COL22A1: variants seen among roughly 807,000 people sequenced by gnomAD.
The protein encoded by COL22A1 is collagen type XXII alpha 1 chain.
A neutral mutation model predicts 248.9 loss-of-function variants in COL22A1; 221 were observed. The observed-to-expected ratio is 0.89, with a 90% CI of 0.80 to 0.99. COL22A1 has a LOEUF of 0.99. Ranked by LOEUF, COL22A1 falls within the 50% of genes least tolerant of loss-of-function variation. The probability of loss-of-function intolerance (pLI) is 0.00; values close to 1 mark genes in which losing one functional copy is unlikely to be tolerated. For missense variants in COL22A1, 2,240 were observed against 2,179.0 expected, an observed-to-expected ratio of 1.03 and a Z score of -0.56; for synonymous variants, 891 against 793.4, an observed-to-expected ratio of 1.12 and a Z score of -2.07.
chr8:138,891,631 C>A (rs1825078666), intron 1 of COL22A1, among the ~76,000 whole-genome samples: 1 of 152,118 alleles, frequency 6.6e-6, no homozygotes, highest in South Asian at 2.1e-4. Context: ...ACTCCCATAT[C>A]TAGGAGTCAT....
At chr8:138,728,177 C>T (rs949619014) in intron 23 of COL22A1, among the ~76,000 whole-genome samples, 6 of 152,004 alleles carry the variant, frequency 3.9e-5, no homozygotes, top group Admixed American at 2.6e-4. Flanking sequence ...AGACTACAGG[C>T]GTGTGCTACC....
chr8:138,889,677 A>G (rs1232312906), intron 1 of COL22A1, among the ~76,000 whole-genome samples: 2 of 152,158 alleles, frequency 1.3e-5, no homozygotes, highest in Admixed American at 1.3e-4. Context: ...TAACCTGCAC[A>G]TTGTGCACAT....
chr8:138,838,901 A>G (rs1820648304), intron 4 of COL22A1, among the ~76,000 whole-genome samples: 1 of 152,084 alleles, frequency 6.6e-6, no homozygotes, highest in African/African-American at 2.4e-5. Flanking sequence ...CTGCTGTGCC[A>G]GGTACCTACT....
intron 9 of COL22A1, 49 bp from the exon 10 acceptor site, chr8:138,807,861 CTT>C: frequency 6.3e-7 from 1 of 1,591,282 alleles, no homozygotes; most frequent in Non-Finnish European, 8.6e-7. Flanking sequence ...TTAATTTTCC[CTT>C]TCTCTCAACA....
intron 22 of COL22A1, among the ~76,000 whole-genome samples, chr8:138,744,019 A>T (rs375169467): frequency 1.1e-3 from 168 of 152,292 alleles, no homozygotes; most frequent in African/African-American, 3.9e-3. Context: ...AATGTCAAAC[A>T]TGATTATTTT....
At chr8:138,862,041 A>AAAG (rs1822517021) in intron 3 of COL22A1, among the ~76,000 whole-genome samples, 2 of 139,646 alleles carry the variant, frequency 1.4e-5, no homozygotes, top group Non-Finnish European at 3.0e-5. Flanking sequence ...AAAAAAAAAA[A>AAAG]AAAAAAGAAA....
chr8:138,690,152 T>C (rs920633946), intron 36 of COL22A1, among the ~76,000 whole-genome samples: 1 of 152,220 alleles, frequency 6.6e-6, no homozygotes, highest in Non-Finnish European at 1.5e-5. Context: ...GCTTATTACC[T>C]ATAAAGGCTT....
intron 6 of COL22A1, among the ~76,000 whole-genome samples, chr8:138,824,907 G>C (rs1331758880): frequency 2.0e-5 from 3 of 152,192 alleles, no homozygotes; most frequent in Admixed American, 2.0e-4. Flanking sequence ...TCTCAAGACA[G>C]ACTTCATCTC....
Position 138,673,574 on chromosome 8 carries a change from A to AAATCCTGCC in COL22A1, c.3150+2975_3150+2983dup, listed in dbSNP as rs111487100. On this transcript the variant is annotated intron_variant, in intron 41 of 64. Coordinates refer to ENST00000303045, the MANE Select transcript of COL22A1 (RefSeq NM_152888.3). ...TCACAGAAGATTAATGGAAATGAAT[A>AAATCCTGCC]AATCCTGCCCATCCTGCCGAAGCCA... Among the ~76,000 whole-genome samples the AAATCCTGCC allele has an allele frequency of 1.2e-3, 189 of 152,296 alleles. 1 individual carries two copies. Among genetic ancestry groups the AAATCCTGCC allele is most frequent in the African/African-American group, 4.5e-3 (187 of 41,572 alleles).
At chr8:138,683,417 G>A (rs1403521134) in intron 39 of COL22A1, among the ~76,000 whole-genome samples, 1 of 152,200 alleles carries the variant, frequency 6.6e-6, no homozygotes, top group Non-Finnish European at 1.5e-5. Context: ...AAAGGTCATA[G>A]TTTCTGAATT....
At chr8:138,908,158 C>T (rs938762393) in intron 1 of COL22A1, among the ~76,000 whole-genome samples, 1 of 152,184 alleles carries the variant, frequency 6.6e-6, no homozygotes, top group African/African-American at 2.4e-5. Context: ...GACAGTTCAA[C>T]CTTTCAATCA....
intron 7 of COL22A1, among the ~76,000 whole-genome samples, chr8:138,815,702 T>C (rs1460220071): frequency 6.6e-6 from 1 of 152,196 alleles, no homozygotes; most frequent in Non-Finnish European, 1.5e-5. Flanking sequence ...GTCTCCTGTC[T>C]CCTGTCCTTC....
At position 138,833,077 on chromosome 8, in the gene COL22A1, ATAGGAAC is replaced by A; in HGVS notation, c.800_806del (p.Ser267MetfsTer75). Reference sequence around the variant, plus strand: ...CCACAGGGAAGGATCCCATCCGTACATAGGAACTCTGAGCTCCATTCTCTCTCTTCCC... The same window carrying A: ...CCACAGGGAAGGATCCCATCCGTACATCTGAGCTCCATTCTCTCTCTTCCC... On this transcript the variant is annotated frameshift_variant, in exon 5 of 65. Coordinates refer to ENST00000303045, the MANE Select transcript of COL22A1 (RefSeq NM_152888.3). LOFTEE classifies it high-confidence loss of function. 1 of 1,613,938 alleles carries A rather than the reference ATAGGAAC, an allele frequency of 6.2e-7. No individual in the cohort carries two copies. The highest frequency in any genetic ancestry group is 1.1e-5 in the South Asian group (1 of 91,084).
rs1247004026 is a variant in COL22A1, at chr8:138,745,597, G to T, written c.2085+5861C>A. The stretch of plus-strand genomic sequence containing the variant: ...ATAAGAAAAAGTCCTTCCTCTCATA[G>T]TCTTACATTCTATTAAAGAAAACAA... On this transcript the variant is annotated intron_variant, in intron 22 of 64. Coordinates refer to ENST00000303045, the MANE Select transcript of COL22A1 (RefSeq NM_152888.3). Among the ~76,000 whole-genome samples the T allele has an allele frequency of 4.6e-5, 7 of 152,260 alleles. No individual in the cohort carries two copies. In the South Asian group the frequency reaches 1.0e-3, roughly 23 times the overall value.
In COL22A1 at chr8:138,636,747, C is replaced by T. The variant is rs749876332; in HGVS notation, c.3550G>A (p.Asp1184Asn). The T allele has an allele frequency of 9.9e-6, 16 of 1,612,674 alleles. No homozygotes were observed. The highest frequency in any genetic ancestry group is 1.4e-5 in the Non-Finnish European group (16 of 1,178,836). ...GADGEVGQKGDQGHPGVPGFM... is the reference protein window; with the variant it reads ...GADGEVGQKGNQGHPGVPGFM... ...CTTATAAAGTAAATTTTTACCTGAT[C>T]ACCTTTCTGCCCAACCTCACCATCT... The change falls in exon 48 of 65, where the codon GAT becomes AAT. Residue 1184 changes from aspartate to asparagine, a missense_variant. Asp to Asn is a conservative substitution (Grantham distance 23). Coordinates refer to ENST00000303045, the MANE Select transcript of COL22A1 (RefSeq NM_152888.3).
intron 60 of COL22A1, among the ~76,000 whole-genome samples, chr8:138,600,973 G>A (rs534930230): frequency 1.1e-3 from 168 of 152,288 alleles, no homozygotes; most frequent in Non-Finnish European, 2.0e-3. Context: ...GTTCCCAGGA[G>A]TACAAAGAAA....
chr8:138,752,021 C>G (rs1317963811), intron 21 of COL22A1, among the ~76,000 whole-genome samples: 1 of 152,210 alleles, frequency 6.6e-6, no homozygotes, highest in Non-Finnish European at 1.5e-5. Flanking sequence ...GTCATACTGA[C>G]CTCATTCGAA....
At chr8:138,623,260 T>TATATATATATATATA (rs1564109173) in intron 52 of COL22A1, among the ~76,000 whole-genome samples, 2 of 52,448 alleles carry the variant, frequency 3.8e-5, no homozygotes, top group African/African-American at 1.4e-4. Flanking sequence ...ATATATATAT[T>TATATATATATATATA]TATGTGTGTG....
chr8:138,654,030 T>C (rs777882129), intron 45 of COL22A1, among the ~76,000 whole-genome samples: 2 of 152,226 alleles, frequency 1.3e-5, no homozygotes, highest in African/African-American at 2.4e-5. Context: ...TATCCTTTCA[T>C]AGTGAGGAAA....
Sources: gnomAD v4.1 joint callset for allele counts (sites outside exome capture counted in the v4.1 genomes callset) on GRCh38, gnomAD v4.1.1 for gene constraint, MANE v1.5 for transcripts, NCBI Gene and HGNC (gene_info 2026-07-23, HGNC 2026-07-21) for gene names.